PDXDC1: variants seen among roughly 807,000 people sequenced by gnomAD.
PDXDC1 encodes the protein pyridoxal dependent decarboxylase domain containing 1.
In PDXDC1, 42 loss-of-function variants were observed where a neutral mutation model predicts 100.1. That is an observed-to-expected ratio of 0.42 (90% CI 0.33 to 0.54). The LOEUF is 0.54. Among genes scored for constraint, PDXDC1 ranks in the 20% least tolerant of loss-of-function variants. The pLI, the probability that PDXDC1 is intolerant of heterozygous loss-of-function variation, is 0.10. For synonymous variants in PDXDC1, 260 were observed against 371.7 expected, an observed-to-expected ratio of 0.70 and a Z score of 3.46; for missense variants, 636 against 979.2, an observed-to-expected ratio of 0.65 and a Z score of 4.68.
intron 16 of PDXDC1, chr16:15,132,687 T>G (rs894196729): frequency 3.9e-6 from 3 of 772,890 alleles, no homozygotes; most frequent in Non-Finnish European, 6.7e-6. Context: ...CTGGCAGGCA[T>G]GCGGGGCGGG....
At chr16:15,114,927 A>AAT (rs1491304857) in intron 16 of PDXDC1, among the ~76,000 whole-genome samples, 15 of 52,458 alleles carry the variant, frequency 2.9e-4, no homozygotes, top group East Asian at 2.7e-3. Flanking sequence ...AAAAAAAAAA[A>AAT]TTTTTTTTTT....
chr16:15,129,206 C>T (rs564446620), intron 16 of PDXDC1, among the ~76,000 whole-genome samples: 11 of 151,880 alleles, frequency 7.2e-5, no homozygotes, highest in African/African-American at 2.7e-4. Flanking sequence ...TGGTGGCTCA[C>T]ACCTGTCATC....
chr16:15,037,883 A>AAGTC lies in PDXDC1; in HGVS notation c.*1610_*1613dup. 1.8e-6 allele frequency: 1 copy of AAGTC among 560,432 alleles called. No homozygotes were observed. The highest frequency in any genetic ancestry group is 2.8e-5 in the East Asian group (1 of 35,182). 34.7% of individuals were successfully genotyped at this position (560,432 alleles called of 1,614,324 possible). ...TTGCCAAAATAAGGTTTTATTTTGA[A>AAGTC]AGTCATTTGATGAAAGTCATTTGAA... is the stretch of plus-strand genomic sequence containing the variant. On this transcript the variant is annotated 3_prime_UTR_variant, in exon 23 of 23. Transcript: ENST00000396410.
At chr16:15,052,290 A>G (rs2044323486) in intron 16 of PDXDC1, among the ~76,000 whole-genome samples, 1 of 152,200 alleles carries the variant, frequency 6.6e-6, no homozygotes, top group Non-Finnish European at 1.5e-5. Flanking sequence ...TTCCCATGTT[A>G]CAAAATATTA....
chr16:15,104,575 G>C (rs1341261639), intron 16 of PDXDC1: 16 of 1,599,168 alleles, frequency 1.0e-5, no homozygotes, highest in Non-Finnish European at 1.4e-5. Flanking sequence ...TCCGCTGAGG[G>C]TGGAAGGGGA....
intron 16 of PDXDC1, among the ~76,000 whole-genome samples, chr16:15,097,468 C>CAAAAA (rs71152407): frequency 1.1e-4 from 7 of 65,850 alleles, no homozygotes; most frequent in African/African-American, 1.9e-4. Flanking sequence ...ACTAAAAATA[C>CAAAAA]AAAAAAAAAA....
chr16:15,089,032 G>C (rs906036793), intron 16 of PDXDC1, among the ~76,000 whole-genome samples: 14 of 152,220 alleles, frequency 9.2e-5, no homozygotes, highest in Admixed American at 3.9e-4. Flanking sequence ...GCCGGGTGGA[G>C]TGGCTCACGT....
At chr16:15,135,943 G>C in intron 16 of PDXDC1, 3 of 1,577,000 alleles carry the variant, frequency 1.9e-6, no homozygotes, top group Non-Finnish European at 2.6e-6. Context: ...CGTCCACGCC[G>C]GGCAGGGCCA....
At chr16:15,096,736 G>A (rs866248357) in intron 16 of PDXDC1, among the ~76,000 whole-genome samples, 5 of 152,244 alleles carry the variant, frequency 3.3e-5, no homozygotes, top group South Asian at 4.1e-4. Context: ...AAGTTAGAGC[G>A]CAATGGCGCG....
intron 16 of PDXDC1, chr16:15,071,101 C>T (rs745774919): frequency 5.0e-6 from 8 of 1,586,534 alleles, no homozygotes; most frequent in South Asian, 3.5e-5. Flanking sequence ...AAAAAGTATT[C>T]GGAAAATTAG....
chr16:15,144,295 C>T (rs1326554690), downstream of PDXDC1, among the ~76,000 whole-genome samples: 1 of 152,238 alleles, frequency 6.6e-6, no homozygotes, highest in Non-Finnish European at 1.5e-5. Flanking sequence ...CTGCGCTGTG[C>T]TCCTTTCTAT....
intron 14 of PDXDC1, among the ~76,000 whole-genome samples, chr16:15,027,850 G>A (rs957301327): frequency 2.6e-5 from 4 of 152,296 alleles, no homozygotes; most frequent in Non-Finnish European, 4.4e-5. Flanking sequence ...GGCCAGCGTG[G>A]TCTTGGGAAA....
rs1353536043 is a variant in PDXDC1 at position 15,133,047 on chromosome 16, C to T, written c.1400-5832C>T. 3.7e-6 allele frequency: 3 copies of T among 812,362 alleles called. No individual in the cohort carries two copies. The Middle Eastern group carries it at 1.1e-3, about 295-fold the overall frequency. The allele number at this position is 812,362 out of a possible 1,614,324, so 50.3% of individuals were successfully genotyped here. On this transcript the variant is annotated intron_variant, in intron 16 of 16. Transcript: ENST00000535621. ...GGCAAAACAGGGTAAGCACATGGGC[C>T]CTCCTGGGCGGGGGCTGCATTGTGG...
the PDXDC1 span, among the ~76,000 whole-genome samples, chr16:15,146,803 G>A: frequency 9.2e-5 from 14 of 152,142 alleles, no homozygotes; most frequent in East Asian, 2.5e-3. Context: ...GGAACCGACA[G>A]AGCTACTTTA....
At chr16:15,145,687 C>CA in the PDXDC1 span, among the ~76,000 whole-genome samples, 1 of 152,364 alleles carries the variant, frequency 6.6e-6, no homozygotes. Context: ...GGACAGCTGC[C>CA]AAGCCATGAA....
intron 16 of PDXDC1, chr16:15,091,206 G>A: frequency 7.5e-7 from 1 of 1,330,948 alleles, no homozygotes; most frequent in Non-Finnish European, 1.0e-6. Context: ...AAATAAGGGA[G>A]GACCATGGAG....
chr16:15,024,784 A>G (rs2042462070), intron 13 of PDXDC1, among the ~76,000 whole-genome samples: 1 of 152,300 alleles, frequency 6.6e-6, no homozygotes. Flanking sequence ...CTCTTCAGAA[A>G]GGCCTTTCCT....
intron 13 of PDXDC1, among the ~76,000 whole-genome samples, chr16:15,024,178 T>C (rs544041003): frequency 1.5e-3 from 228 of 152,258 alleles, no homozygotes; most frequent in African/African-American, 5.3e-3. Context: ...CCAATGGCTG[T>C]TTTTTCAGTA....
intron 16 of PDXDC1, chr16:15,094,141 T>C (rs752891180): frequency 2.5e-6 from 4 of 1,593,728 alleles, no homozygotes; most frequent in Admixed American, 1.8e-5. Flanking sequence ...GGCCTGAATC[T>C]TACCCAGTCC....
Sources: allele counts gnomAD v4.1 joint callset (sites outside exome capture counted in the v4.1 genomes callset), GRCh38; gene constraint gnomAD v4.1.1; transcripts MANE v1.5; gene names NCBI Gene and HGNC (gene_info 2026-07-23, HGNC 2026-07-21).